Variants in LCLAT1 observed in about 807,000 individuals in gnomAD.
The protein encoded by LCLAT1 is 1-AGP acyltransferase 8.
LCLAT1 carries 11 observed loss-of-function variants against 30.7 expected under a neutral mutation model. The observed-to-expected ratio is 0.36, with a 90% CI of 0.23 to 0.59. The LOEUF (loss-of-function observed/expected upper bound fraction) is 0.59. LCLAT1 is among the 20% of genes least tolerant of loss of function. LCLAT1 has a pLI of 0.77. For synonymous variants in LCLAT1, 155 were observed against 151.3 expected (o/e 1.02, Z -0.18); for missense variants, 402 against 458.6 (o/e 0.88, Z 1.13).
intron 5 of LCLAT1, among the ~76,000 whole-genome samples, chr2:30,630,633 A>C (rs182212531): frequency 6.6e-6 from 1 of 152,388 alleles, no homozygotes; most frequent in East Asian, 1.9e-4. Flanking sequence ...CAGAGAAAAC[A>C]GCCTTCTACT....
intron 1 of LCLAT1, among the ~76,000 whole-genome samples, chr2:30,468,991 T>G (rs1682625723): frequency 6.6e-6 from 1 of 152,230 alleles, no homozygotes; most frequent in African/African-American, 2.4e-5. Flanking sequence ...GATTTGCATT[T>G]CCCCAATGAT....
chr2:30,561,164 A>C (rs1665201529), intron 3 of LCLAT1, among the ~76,000 whole-genome samples: 1 of 152,102 alleles, frequency 6.6e-6, no homozygotes, highest in Non-Finnish European at 1.5e-5. Flanking sequence ...GCTGGTCTCG[A>C]ACTCCTGACC....
intron 5 of LCLAT1, among the ~76,000 whole-genome samples, chr2:30,620,339 A>C (rs1051110169): frequency 2.8e-4 from 43 of 152,200 alleles, no homozygotes; most frequent in Admixed American, 2.8e-3. Context: ...GTCTTTGGGA[A>C]TGAAGCCCAG....
At chr2:30,471,933 T>G (rs547385195) in intron 1 of LCLAT1, among the ~76,000 whole-genome samples, 1 of 152,344 alleles carries the variant, frequency 6.6e-6, no homozygotes, top group South Asian at 2.1e-4. Flanking sequence ...CATCCTTGTC[T>G]TATTCTTGAT....
chr2:30,483,100 A>G (rs989390384), intron 1 of LCLAT1, among the ~76,000 whole-genome samples: 5 of 152,210 alleles, frequency 3.3e-5, no homozygotes, highest in Non-Finnish European at 1.5e-5. Context: ...TTGCTTCATT[A>G]GTTGTGACAA....
At chr2:30,631,887 G>A (rs1668785256) in intron 5 of LCLAT1, among the ~76,000 whole-genome samples, 2 of 152,130 alleles carry the variant, frequency 1.3e-5, no homozygotes, top group South Asian at 4.1e-4. Context: ...TTTAACTCCA[G>A]CCTCAGCAAG....
At chr2:30,512,505 A>C (rs1684988189) in intron 1 of LCLAT1, among the ~76,000 whole-genome samples, 2 of 152,154 alleles carry the variant, frequency 1.3e-5, no homozygotes, top group Non-Finnish European at 2.9e-5. Flanking sequence ...GGGTGGATGG[A>C]GATTAAGGAG....
chr2:30,536,205 A>C (rs1686233906), intron 3 of LCLAT1, among the ~76,000 whole-genome samples: 2 of 152,196 alleles, frequency 1.3e-5, no homozygotes, highest in African/African-American at 4.8e-5. Context: ...GAGGTGAAAA[A>C]AGGCATTGAA....
chr2:30,563,396 T>C (rs1665331242), intron 4 of LCLAT1, among the ~76,000 whole-genome samples: 1 of 152,204 alleles, frequency 6.6e-6, no homozygotes, highest in South Asian at 2.1e-4. Flanking sequence ...ACTGCTCTGG[T>C]TGATACTGGG....
chr2:30,518,826 C>T (rs1040466037), intron 1 of LCLAT1, among the ~76,000 whole-genome samples: 1 of 152,210 alleles, frequency 6.6e-6, no homozygotes, highest in Non-Finnish European at 1.5e-5. Flanking sequence ...TCTCAACTCA[C>T]CTGGACTGTT....
chr2:30,589,520 C>G (rs750944237), intron 5 of LCLAT1, among the ~76,000 whole-genome samples: 1 of 151,558 alleles, frequency 6.6e-6, no homozygotes, highest in African/African-American at 2.4e-5. Context: ...CAGAGGGACA[C>G]TTGCCTACTG....
At position 30,640,514 on chromosome 2, in the gene LCLAT1, C is replaced by G; in HGVS notation, c.1026C>G (p.Ile342Met). 2.5e-6 allele frequency: 4 copies of G among 1,614,088 alleles called. No homozygotes were observed. The highest frequency in any genetic ancestry group is 3.4e-6 in the Non-Finnish European group (4 of 1,179,996). ...VKWYFIITIV[I>M]FVLQERIFGG... Reference sequence around the variant, plus strand: ...GGTATTTTATAATCACCATTGTAATCTTTGTGCTGCAAGAGAGAATATTTG... The same window carrying G: ...GGTATTTTATAATCACCATTGTAATGTTTGTGCTGCAAGAGAGAATATTTG... Residue 342 changes from isoleucine (I) to methionine (M), a missense_variant, in exon 6 of 6, where the codon ATC becomes ATG. Coordinates refer to ENST00000379509, the MANE Select transcript of LCLAT1 (RefSeq NM_001002257.3).
rs530369733 is a variant in LCLAT1, at chr2:30,644,120, A to G, written c.*3501A>G. 28 of 152,324 alleles carry G rather than the reference A, an allele frequency of 1.8e-4. No individual in the cohort carries two copies. The highest frequency in any genetic ancestry group is 6.7e-4 in the African/African-American group (28 of 41,560). 9.4% of individuals were successfully genotyped at this position (152,324 alleles called of 1,614,324 possible). ...TTATGTGCAAAACACCAAGTTTTAA[A>G]AATAACTCACAGAATGGCCTTAGTT... On this transcript the variant is annotated 3_prime_UTR_variant, in exon 6 of 6. Transcript: ENST00000379509.
intron 3 of LCLAT1, among the ~76,000 whole-genome samples, chr2:30,541,040 A>G (rs1362813063): frequency 6.6e-6 from 1 of 152,168 alleles, no homozygotes; most frequent in African/African-American, 2.4e-5. Flanking sequence ...TGGGTTATAC[A>G]AATTCTTAGT....
intron 1 of LCLAT1, among the ~76,000 whole-genome samples, chr2:30,500,866 G>C (rs371291806): frequency 6.6e-6 from 1 of 152,152 alleles, no homozygotes; most frequent in African/African-American, 2.4e-5. Flanking sequence ...GACAGTTACT[G>C]TTGTCTTATC....
intron 5 of LCLAT1, among the ~76,000 whole-genome samples, chr2:30,590,906 C>T (rs77181921): frequency 6.6e-6 from 1 of 152,202 alleles, no homozygotes; most frequent in South Asian, 2.1e-4. Flanking sequence ...AGATGAAATA[C>T]ACTGCATGAT....
chr2:30,488,222 G>A (rs2148322336), intron 1 of LCLAT1, among the ~76,000 whole-genome samples: 1 of 152,338 alleles, frequency 6.6e-6, no homozygotes, highest in Non-Finnish European at 1.5e-5. Flanking sequence ...TCTAGAGACT[G>A]TGAATCACAG....
At chr2:30,573,606 C>T (rs1223440320) in intron 5 of LCLAT1, among the ~76,000 whole-genome samples, 1 of 152,170 alleles carries the variant, frequency 6.6e-6, no homozygotes, top group Non-Finnish European at 1.5e-5. Flanking sequence ...GAGCCTTCCC[C>T]ACGGTATCCT....
intron 3 of LCLAT1, among the ~76,000 whole-genome samples, chr2:30,535,910 A>G (rs565604223): frequency 7.2e-5 from 11 of 152,306 alleles, no homozygotes; most frequent in East Asian, 5.8e-4. Context: ...AAAGTATTCA[A>G]CACCATCAGG....
Sources: allele counts gnomAD v4.1 joint callset (sites outside exome capture counted in the v4.1 genomes callset), GRCh38; gene constraint gnomAD v4.1.1; transcripts MANE v1.5; gene names NCBI Gene and HGNC (gene_info 2026-07-23, HGNC 2026-07-21).